The following HIRA variants were observed in gnomAD, a reference collection of about 807,000 sequenced individuals.
The protein encoded by HIRA is histone cell cycle regulator, also known as protein HIRA.
A neutral mutation model predicts 126.6 loss-of-function variants in HIRA; 13 were observed. The observed-to-expected ratio is 0.10, with a 90% confidence interval of 0.07 to 0.16. The LOEUF (loss-of-function observed/expected upper bound fraction) is 0.16. HIRA is among the 10% of genes least tolerant of loss of function. The pLI is 1.00. For missense variants in HIRA, 834 were observed against 1,314.4 expected, an observed-to-expected ratio of 0.63 and a Z score of 5.65; for synonymous variants, 511 against 520.0, an observed-to-expected ratio of 0.98 and a Z score of 0.24.
intron 24 of HIRA, among the ~76,000 whole-genome samples, chr22:19,334,207 C>CAT: frequency 6.6e-6 from 1 of 151,540 alleles, no homozygotes; most frequent in African/African-American, 2.4e-5. Flanking sequence ...GATCTCCTGA[C>CAT]CTTGTGATCC....
At chr22:19,429,138 T>TTTC (rs1189757853) in intron 1 of HIRA, among the ~76,000 whole-genome samples, 1 of 132,938 alleles carries the variant, frequency 7.5e-6, no homozygotes, top group Non-Finnish European at 1.6e-5. Flanking sequence ...CATATCTTTT[T>TTTC]TTTTTTTTTT....
chr22:19,411,834 G>C (rs2089355350), intron 1 of HIRA, among the ~76,000 whole-genome samples: 1 of 152,142 alleles, frequency 6.6e-6, no homozygotes. Context: ...GGAGTGTGTG[G>C]GCAGGCAGTG....
chr22:19,366,921 C>T (rs566917159), intron 15 of HIRA, among the ~76,000 whole-genome samples: 2 of 152,212 alleles, frequency 1.3e-5, no homozygotes, highest in African/African-American at 4.8e-5. Context: ...ACCGTGACAA[C>T]CGGCTAATTT....
chr22:19,361,195 TG>T (rs775768870), intron 17 of HIRA, 41 bp downstream of exon 17: 1 of 1,416,726 alleles, frequency 7.1e-7, no homozygotes, highest in Admixed American at 1.7e-5. Context: ...AGAGAATGTC[TG>T]GGTGTGCCTG....
Position 19,386,996 on chromosome 22 carries a change from T to C in HIRA, c.1113+715A>G, listed in dbSNP as rs1038228713. Among the ~76,000 whole-genome samples, 8 of 152,332 alleles carry C rather than the reference T, an allele frequency of 5.3e-5. No homozygotes were observed. In the South Asian group the frequency reaches 1.0e-3, roughly 20 times the overall value. ...GGAGAGCTGCCAGCCTGCTCTGGGC[T>C]TTCACAGAGCTCCCTTCAGACACAT... On this transcript the variant is annotated intron_variant, in intron 11 of 24. Coordinates refer to ENST00000263208, the MANE Select transcript of HIRA (RefSeq NM_003325.4).
chr22:19,360,194 C>T (rs2088850806), intron 17 of HIRA, among the ~76,000 whole-genome samples: 1 of 152,026 alleles, frequency 6.6e-6, no homozygotes, highest in Non-Finnish European at 1.5e-5. Context: ...TGAGCTGGGC[C>T]GAGGGCTGAC....
intron 24 of HIRA, among the ~76,000 whole-genome samples, chr22:19,340,349 G>A (rs947174458): frequency 4.6e-5 from 7 of 151,868 alleles, no homozygotes; most frequent in African/African-American, 1.2e-4. Context: ...CAGGAAAACC[G>A]TCATAGAATG....
intron 1 of HIRA, among the ~76,000 whole-genome samples, chr22:19,415,083 C>CTA (rs1239007520): frequency 6.6e-6 from 1 of 152,104 alleles, no homozygotes; most frequent in East Asian, 1.9e-4. Context: ...GTAGCTGGGA[C>CTA]TATAGGTGTG....
chr22:19,360,146 CA>C (rs748555354), intron 17 of HIRA, among the ~76,000 whole-genome samples: 2 of 152,120 alleles, frequency 1.3e-5, no homozygotes, highest in Non-Finnish European at 2.9e-5. Context: ...TAGGCAGAAC[CA>C]CCAAACAGTC....
At position 19,353,575 on chromosome 22, in the gene HIRA, G is replaced by A. The variant is rs782448053; in HGVS notation, c.2685-56C>T. ...GGCAGCAGGCACTACACAGAGTCAG[G>A]AACTGCCCCCGTGTGCAACAGGCAA... On this transcript the variant is annotated intron_variant, in intron 22 of 24. Coordinates refer to ENST00000263208, the MANE Select transcript of HIRA (RefSeq NM_003325.4). The A allele has an allele frequency of 5.3e-6, 8 of 1,508,746 alleles. No homozygotes were observed. In the African/African-American group the frequency reaches 1.1e-4, roughly 21 times the overall value. 93.5% of individuals were successfully genotyped at this position (1,508,746 alleles called of 1,614,324 possible). A position where few individuals can be genotyped will look rare whatever the true frequency, so the allele number is the denominator to read the frequency against.
intron 1 of HIRA, among the ~76,000 whole-genome samples, chr22:19,423,743 C>T (rs9618566): frequency 0.083 from 12,660 of 152,090 alleles, 1,766 homozygotes; most frequent in African/African-American, 0.29. Context: ...GTTAATGCAT[C>T]GAGGCAGACA....
At chr22:19,369,512 A>G (rs1164937001) in intron 15 of HIRA, among the ~76,000 whole-genome samples, 1 of 152,166 alleles carries the variant, frequency 6.6e-6, no homozygotes, top group East Asian at 1.9e-4. Context: ...ATGGACTCAG[A>G]AAGACCATGT....
chr22:19,360,147 A>C (rs906446877), intron 17 of HIRA, among the ~76,000 whole-genome samples: 2 of 152,126 alleles, frequency 1.3e-5, no homozygotes, highest in Non-Finnish European at 2.9e-5. Flanking sequence ...AGGCAGAACC[A>C]CCAAACAGTC....
chr22:19,340,319 A>G (rs965622190), intron 24 of HIRA, among the ~76,000 whole-genome samples: 1 of 152,126 alleles, frequency 6.6e-6, no homozygotes, highest in Non-Finnish European at 1.5e-5. Context: ...AAAATCTAGC[A>G]TGCCTTCGAT....
rs191328837 is a variant in HIRA, at chr22:19,335,534, C to T, written c.2938-3978G>A. Among the ~76,000 whole-genome samples the T allele has an allele frequency of 1.4e-3, 217 of 152,272 alleles. 1 individual carries two copies. The highest frequency in any genetic ancestry group is 4.4e-3 in the African/African-American group (181 of 41,548). ...TGCTGGGATTACAGGCGTGAGCCAC[C>T]GCGCCGAACGAGAACTTTTTTACAT... On this transcript the variant is annotated intron_variant, in intron 24 of 24. Coordinates refer to ENST00000263208, the MANE Select transcript of HIRA (RefSeq NM_003325.4).
chr22:19,430,482 C>T (rs1261938378), intron 1 of HIRA, among the ~76,000 whole-genome samples: 1 of 152,138 alleles, frequency 6.6e-6, no homozygotes, highest in African/African-American at 2.4e-5. Flanking sequence ...AAAACGGTAG[C>T]ACCCTGTAGT....
Position 19,431,425 on chromosome 22 carries a change from C to A in HIRA, c.37+15G>T. On this transcript the variant is annotated intron_variant, in intron 1 of 24. Transcript: ENST00000263208. ...ACTCCGGGCTCGGCCTCCCGCGACC[C>A]CTGCGCGCACTCACCATTGTGGTTG... 6.2e-7 allele frequency: 1 copy of A among 1,608,452 alleles called. No homozygotes were observed. The highest frequency in any genetic ancestry group is 8.5e-7 in the Non-Finnish European group (1 of 1,178,586).
chr22:19,338,941 A>T (rs530719568), intron 24 of HIRA, among the ~76,000 whole-genome samples: 1 of 152,366 alleles, frequency 6.6e-6, no homozygotes, highest in East Asian at 1.9e-4. Flanking sequence ...ACTATACCCT[A>T]GAACAAATGG....
At chr22:19,369,917 A>T (rs1467134794) in intron 15 of HIRA, among the ~76,000 whole-genome samples, 1 of 152,222 alleles carries the variant, frequency 6.6e-6, no homozygotes, top group Non-Finnish European at 1.5e-5. Flanking sequence ...CGACACAGCG[A>T]GACTCTGTCT....
Sources: allele counts gnomAD v4.1 joint callset (sites outside exome capture counted in the v4.1 genomes callset), GRCh38; gene constraint gnomAD v4.1.1; transcripts MANE v1.5; gene names NCBI Gene and HGNC (gene_info 2026-07-23, HGNC 2026-07-21).